The following DPP6 variants were observed in gnomAD, a reference collection of about 807,000 sequenced individuals.
The protein encoded by DPP6 is dipeptidyl peptidase like 6.
A neutral mutation model predicts 122.6 loss-of-function variants in DPP6; 69 were observed. The ratio of observed to expected loss-of-function variants is 0.56; its 90% CI spans 0.46 to 0.69. The LOEUF (loss-of-function observed/expected upper bound fraction) is 0.69. DPP6 is among the 30% of genes least tolerant of loss of function. DPP6 has a pLI of 0.00. For missense variants in DPP6, 928 were observed against 1,116.9 expected, an observed-to-expected ratio of 0.83 and a Z score of 2.41; for synonymous variants, 418 against 433.1, an observed-to-expected ratio of 0.97 and a Z score of 0.43.
intron 1 of DPP6, among the ~76,000 whole-genome samples, chr7:154,169,260 T>C (rs1456391304): frequency 5.9e-5 from 9 of 152,090 alleles, no homozygotes; most frequent in Admixed American, 2.0e-4. Context: ...TGCCCATCCT[T>C]GAAGCAATCC....
intron 7 of DPP6, among the ~76,000 whole-genome samples, chr7:154,724,252 A>G (rs1387507998): frequency 6.6e-6 from 1 of 152,160 alleles, no homozygotes; most frequent in Non-Finnish European, 1.5e-5. Flanking sequence ...AGAGGGGGCG[A>G]CTTGCCCAAG....
chr7:154,340,101 A>G (rs968603987), intron 1 of DPP6, among the ~76,000 whole-genome samples: 5 of 152,118 alleles, frequency 3.3e-5, no homozygotes, highest in Non-Finnish European at 5.9e-5. Flanking sequence ...AATGTGGTTG[A>G]CCATTAGAAA....
In DPP6 at chr7:154,542,380, G is replaced by A. The variant is rs151018860; in HGVS notation, c.552+1754G>A. On this transcript the variant is annotated intron_variant, in intron 4 of 25. Coordinates refer to ENST00000377770, the MANE Select transcript of DPP6 (RefSeq NM_130797.4). Reference sequence around the variant, plus strand: ...TAAAATGATCAGACTGTTGCTGAGCGTCAGTGCATTTTAATGTCGGAATGT... The same window carrying A: ...TAAAATGATCAGACTGTTGCTGAGCATCAGTGCATTTTAATGTCGGAATGT... 1.5e-3 allele frequency among the ~76,000 whole-genome samples: 229 copies of A among 152,260 alleles called. 2 individuals carry two copies. The highest frequency in any genetic ancestry group is 5.1e-3 in the African/African-American group (212 of 41,544).
intron 3 of DPP6, among the ~76,000 whole-genome samples, chr7:154,502,668 G>A (rs760711945): frequency 3.3e-5 from 5 of 152,082 alleles, no homozygotes; most frequent in Middle Eastern, 3.2e-3. Context: ...GCCCAGTCTC[G>A]AGTATGTCTT....
chr7:154,190,049 A>C (rs10225761), intron 1 of DPP6, among the ~76,000 whole-genome samples: 1 of 152,014 alleles, frequency 6.6e-6, no homozygotes, highest in Non-Finnish European at 1.5e-5. Context: ...AAAAGCTGGA[A>C]GTTAATAAAT....
At chr7:153,818,020 A>G in the DPP6 span, among the ~76,000 whole-genome samples, 2 of 152,050 alleles carry the variant, frequency 1.3e-5, no homozygotes, top group African/African-American at 4.8e-5. Context: ...CCATAGAACA[A>G]AAGTTTGTCC....
At position 154,324,443 on chromosome 7, in the gene DPP6, C is replaced by T. The variant is rs139748099; in HGVS notation, c.244-121771C>T. On this transcript the variant is annotated intron_variant, in intron 1 of 25. Coordinates refer to ENST00000377770, the MANE Select transcript of DPP6 (RefSeq NM_130797.4). ...CTCTTCTCTGGACTTCTCTGGGGCCCGTATCAGAACCCAAAACCTAGCCTC... is the reference window on the plus strand; with the variant it reads ...CTCTTCTCTGGACTTCTCTGGGGCCTGTATCAGAACCCAAAACCTAGCCTC... Among the ~76,000 whole-genome samples the T allele has an allele frequency of 5.4e-3, 819 of 152,288 alleles. 5 individuals are homozygous for T. The highest frequency in any genetic ancestry group is 0.018 in the African/African-American group (767 of 41,576).
At chr7:154,461,373 G>C (rs1173846625) in intron 2 of DPP6, among the ~76,000 whole-genome samples, 2 of 152,118 alleles carry the variant, frequency 1.3e-5, no homozygotes, top group East Asian at 3.9e-4. Context: ...TTTCTTTTGG[G>C]TACATACCTA....
chr7:154,316,487 T>G (rs542395118), intron 1 of DPP6, among the ~76,000 whole-genome samples: 2 of 152,304 alleles, frequency 1.3e-5, no homozygotes, highest in East Asian at 3.9e-4. Context: ...TCCACTGAAA[T>G]GAGTTGTTGA....
chr7:154,336,219 G>A (rs1809405558), intron 1 of DPP6, among the ~76,000 whole-genome samples: 1 of 152,102 alleles, frequency 6.6e-6, no homozygotes, highest in South Asian at 2.1e-4. Flanking sequence ...TACAGACTTA[G>A]CAACCTGGAA....
intron 1 of DPP6, among the ~76,000 whole-genome samples, chr7:154,201,334 G>T (rs1249341959): frequency 1.3e-5 from 2 of 152,054 alleles, no homozygotes; most frequent in Non-Finnish European, 2.9e-5. Context: ...TCACCATGTT[G>T]GCCAAGCTAG....
chr7:154,604,042 T>C (rs905674293), intron 5 of DPP6, among the ~76,000 whole-genome samples: 1 of 121,394 alleles, frequency 8.2e-6, no homozygotes, highest in Non-Finnish European at 1.9e-5. Flanking sequence ...CTTAAAAGTT[T>C]ATTTTAAAAA....
chr7:154,142,588 A>G (rs1352852585), intron 1 of DPP6, among the ~76,000 whole-genome samples: 2 of 152,180 alleles, frequency 1.3e-5, no homozygotes, highest in South Asian at 2.1e-4. Context: ...ATGTTTATAC[A>G]TGTTACTTAG....
chr7:154,507,308 T>A (rs1825738745), intron 3 of DPP6, among the ~76,000 whole-genome samples: 1 of 152,078 alleles, frequency 6.6e-6, no homozygotes, highest in Admixed American at 6.6e-5. Flanking sequence ...CTGGGATAAA[T>A]GTGCAGAATG....
Position 154,646,563 on chromosome 7 carries a change from C to A in DPP6, c.680+8690C>A, listed in dbSNP as rs6976247. Among the ~76,000 whole-genome samples, 543 of 152,318 alleles carry A rather than the reference C, an allele frequency of 3.6e-3. 3 individuals are homozygous for A. Among genetic ancestry groups the A allele is most frequent in the African/African-American group, 0.012 (515 of 41,568 alleles). On this transcript the variant is annotated intron_variant, in intron 6 of 25. Coordinates refer to ENST00000377770, the MANE Select transcript of DPP6 (RefSeq NM_130797.4). ...TGAGAGTCAATACTGCTTCTTATTT[C>A]ACGCTAGAATTTATCGTTTTGTTAG...
At chr7:154,774,103 C>G (rs1001951502) in intron 10 of DPP6, among the ~76,000 whole-genome samples, 1 of 152,236 alleles carries the variant, frequency 6.6e-6, no homozygotes, top group African/African-American at 2.4e-5. Flanking sequence ...GCCTGCCCCT[C>G]TCAGCCCTGC....
chr7:154,729,306 C>G (rs144555757), intron 8 of DPP6, among the ~76,000 whole-genome samples: 226 of 152,286 alleles, frequency 1.5e-3, no homozygotes, highest in African/African-American at 5.0e-3. Flanking sequence ...CTTTCTCAAG[C>G]CAGTATCACT....
intron 20 of DPP6, 192 bp downstream of exon 20, chr7:154,876,292 T>A (rs1804849617): frequency 9.7e-7 from 1 of 1,027,740 alleles, no homozygotes. Context: ...CCTAGGGACA[T>A]TTATAACTAG....
At chr7:154,134,269 G>C (rs1783483001) in intron 1 of DPP6, among the ~76,000 whole-genome samples, 1 of 152,140 alleles carries the variant, frequency 6.6e-6, no homozygotes, top group Non-Finnish European at 1.5e-5. Flanking sequence ...ACCAGGGTGA[G>C]GAATTGGAAT....
Sources: allele counts gnomAD v4.1 joint callset (sites outside exome capture counted in the v4.1 genomes callset), GRCh38; gene constraint gnomAD v4.1.1; transcripts MANE v1.5; gene names NCBI Gene and HGNC (gene_info 2026-07-23, HGNC 2026-07-21).